The following FAM50B variants were observed in gnomAD, a reference collection of about 807,000 sequenced individuals.
The protein encoded by FAM50B is family with sequence similarity 50 member B.
A neutral mutation model predicts 25.4 loss-of-function variants in FAM50B; 9 were observed. The ratio of observed to expected loss-of-function variants is 0.35; its 90% CI spans 0.21 to 0.62. The LOEUF is 0.62. Among genes scored for constraint, FAM50B ranks in the 20% least tolerant of loss-of-function variants. The pLI is 0.73. For synonymous variants in FAM50B, 212 were observed against 204.3 expected, an observed-to-expected ratio of 1.04 and a Z score of -0.32; for missense variants, 372 against 477.9, an observed-to-expected ratio of 0.78 and a Z score of 2.07.
Position 3,850,160 on chromosome 6 carries a change from A to G in FAM50B, c.349A>G (p.Ile117Val). 1 of 1,613,054 alleles carries G rather than the reference A, an allele frequency of 6.2e-7. No homozygotes were observed. Among genetic ancestry groups the G allele is most frequent in the Admixed American group, 1.7e-5 (1 of 59,998 alleles). ...GCAGCGGCGCGAGCGCAAGCGTAAG[A>G]TCTCCTGCCTGTCCTTTGCACTAGA... Reference protein sequence around the residue: ...QEQRRERKRKISCLSFALDDL... With the variant: ...QEQRRERKRKVSCLSFALDDL... The change falls in exon 2 of 2, where the codon ATC becomes GTC. Residue 117 changes from isoleucine (I) to valine (V), a missense_variant. Around this residue, in one of 4 missense-constraint regions of FAM50B, gnomAD observed 224 missense variants for 232.2 expected, o/e 0.96. Transcript: ENST00000648326.
chr6:3,844,461 A>C (rs535474493), upstream of FAM50B, among the ~76,000 whole-genome samples: 193 of 152,364 alleles, frequency 1.3e-3, no homozygotes, highest in African/African-American at 4.4e-3. Context: ...CTGTAATCCC[A>C]GCACTTTGGG....
chr6:3,841,178 C>T, the FAM50B span, among the ~76,000 whole-genome samples: 6 of 152,352 alleles, frequency 3.9e-5, no homozygotes, highest in Non-Finnish European at 7.3e-5. Context: ...CACAACTCTC[C>T]TGTCACTGGG....
chr6:3,844,433 G>C (rs978582337), upstream of FAM50B, among the ~76,000 whole-genome samples: 3 of 152,000 alleles, frequency 2.0e-5, no homozygotes, highest in Non-Finnish European at 4.4e-5. Context: ...GAATAATACC[G>C]GGCGAGGTGG....
At position 3,850,256 on chromosome 6, in the gene FAM50B, G is replaced by A. The variant is rs1045548785; in HGVS notation, c.445G>A (p.Asp149Asn). 6.2e-7 allele frequency: 1 copy of A among 1,613,228 alleles called. No individual in the cohort carries two copies. Among genetic ancestry groups the A allele is most frequent in the Admixed American group, 1.7e-5 (1 of 59,998 alleles). Residue 149 changes from aspartate to asparagine, a missense_variant, in exon 2 of 2, where the codon GAC becomes AAC. Around this residue, in one of 4 missense-constraint regions of FAM50B, gnomAD observed 224 missense variants for 232.2 expected, o/e 0.96. Coordinates refer to ENST00000648326, the MANE Select transcript of FAM50B (RefSeq NM_012135.3). ...AAACCTGGGCAAGAACCCCGACGTGGACACCAGCTTCCTGCCAGACCGCGA... is the reference window on the plus strand; with the variant it reads ...AAACCTGGGCAAGAACCCCGACGTGAACACCAGCTTCCTGCCAGACCGCGA... ...AGNLGKNPDVDTSFLPDRDRE... is the reference protein window; with the variant it reads ...AGNLGKNPDVNTSFLPDRDRE...
rs777316197 is a variant in FAM50B at position 3,850,480 on chromosome 6, C to A, written c.669C>A (p.Asp223Glu). The A allele has an allele frequency of 6.2e-6, 10 of 1,613,492 alleles. No homozygotes were observed. In the South Asian group the frequency reaches 1.1e-4, roughly 18 times the overall value. ...LKKALQGLRK[D>E]FLELRSAGVE... is the part of the protein sequence containing the mutation. Reference sequence around the variant, plus strand: ...AGGCGCTGCAGGGGCTGCGCAAGGACTTCCTGGAGCTGCGCTCCGCCGGCG... The same window carrying A: ...AGGCGCTGCAGGGGCTGCGCAAGGAATTCCTGGAGCTGCGCTCCGCCGGCG... Residue 223 changes from aspartate (D) to glutamate (E), a missense_variant, in exon 2 of 2, where the codon GAC (aspartate) becomes GAA (glutamate). Transcript: ENST00000648326.
chr6:3,846,917 C>G (rs1762130536), upstream of FAM50B, among the ~76,000 whole-genome samples: 1 of 152,212 alleles, frequency 6.6e-6, no homozygotes, highest in African/African-American at 2.4e-5. Context: ...GCATCTCCAT[C>G]AAGCTCTTAG....
chr6:3,846,317 T>C (rs938579742), upstream of FAM50B, among the ~76,000 whole-genome samples: 1 of 152,382 alleles, frequency 6.6e-6, no homozygotes, highest in East Asian at 1.9e-4. Context: ...TTCTAGTGCA[T>C]ATAAAAGTTA....
At chr6:3,846,846 T>A (rs1194632638), upstream of FAM50B, among the ~76,000 whole-genome samples, 1 of 152,238 alleles carries the variant, frequency 6.6e-6, no homozygotes, top group African/African-American at 2.4e-5. Flanking sequence ...TACTCCTTGA[T>A]CTATGGGTTG....
chr6:3,833,448 C>T, the FAM50B span, among the ~76,000 whole-genome samples: 1 of 152,172 alleles, frequency 6.6e-6, no homozygotes, highest in African/African-American at 2.4e-5. Context: ...TGAGCATTTG[C>T]TCATTTCAGC....
upstream of FAM50B, among the ~76,000 whole-genome samples, chr6:3,848,266 C>T (rs1762145247): frequency 6.6e-6 from 1 of 152,142 alleles, no homozygotes; most frequent in Non-Finnish European, 1.5e-5. Flanking sequence ...TTCTTGTATT[C>T]TGGTGATGGG....
chr6:3,843,701 T>C, the FAM50B span, among the ~76,000 whole-genome samples: 4,161 of 152,306 alleles, frequency 0.027, 175 homozygotes, highest in African/African-American at 0.095. Flanking sequence ...TGCCAAAATA[T>C]TGGCTTTCCA....
the FAM50B span, among the ~76,000 whole-genome samples, chr6:3,835,493 T>G: frequency 6.6e-6 from 1 of 152,170 alleles, no homozygotes. Context: ...TAAAGTCTGA[T>G]GTGATCCATG....
chr6:3,848,512 C>A (rs536320053), upstream of FAM50B, among the ~76,000 whole-genome samples: 41 of 152,328 alleles, frequency 2.7e-4, no homozygotes, highest in African/African-American at 9.4e-4. Context: ...ATATGATTCA[C>A]GCTTCTTGGT....
chr6:3,846,012 C>T (rs779101097), upstream of FAM50B, among the ~76,000 whole-genome samples: 4 of 152,118 alleles, frequency 2.6e-5, no homozygotes, highest in African/African-American at 4.8e-5. Flanking sequence ...TGAGCCACTG[C>T]GCCTGGCCTG....
rs1382447513 is a variant in FAM50B at position 3,850,037 on chromosome 6, C to T, written c.226C>T (p.Arg76Trp). ...GLVTLNDMKARQEALVRERER... is the reference protein window; with the variant it reads ...GLVTLNDMKAWQEALVRERER... The stretch of plus-strand genomic sequence containing the variant: ...GGTGACCCTGAACGACATGAAGGCC[C>T]GGCAGGAGGCCCTGGTCAGGGAGCG... The change falls in exon 2 of 2, where the codon CGG (arginine) becomes TGG (tryptophan). Residue 76 changes from arginine (R) to tryptophan (W), a missense_variant. Transcript: ENST00000648326. 3.7e-6 allele frequency: 6 copies of T among 1,613,116 alleles called. No homozygotes were observed. Among genetic ancestry groups the T allele is most frequent in the South Asian group, 1.1e-5 (1 of 91,036 alleles).
chr6:3,851,009 A>G lies in FAM50B; in HGVS notation c.*220A>G, dbSNP rs1182434941. 25 of 682,424 alleles carry G rather than the reference A, an allele frequency of 3.7e-5. 1 individual carries two copies. The highest frequency in any genetic ancestry group is 3.7e-5 in the Non-Finnish European group (15 of 409,316). The allele number at this position is 682,424 out of a possible 1,614,324, so 42.3% of individuals were successfully genotyped here. A position where few individuals can be genotyped will look rare whatever the true frequency, so the allele number is the denominator to read the frequency against. On this transcript the variant is annotated 3_prime_UTR_variant, in exon 2 of 2. Coordinates refer to ENST00000648326, the MANE Select transcript of FAM50B (RefSeq NM_012135.3). ...TAGTGTTGCCACCTGGATTTGCTGC[A>G]TTGCTCTGCTGAGCTGTATTGAAAC... is the stretch of plus-strand genomic sequence containing the variant.
chr6:3,839,140 TCTGCTTCTGCGGAAGCCTCAGG>T, the FAM50B span, among the ~76,000 whole-genome samples: 2 of 151,680 alleles, frequency 1.3e-5, no homozygotes, highest in Non-Finnish European at 2.9e-5. Flanking sequence ...GGCATGAGCA[TCTGCTTCTGCGGAAGCCTCAGG>T]CTGCTTCCAC....
At chr6:3,832,124 A>C in the FAM50B span, 2 of 152,254 alleles carry the variant, frequency 1.3e-5, no homozygotes, top group African/African-American at 4.8e-5. Flanking sequence ...AAAGGAATTC[A>C]TACATATTCC....
chr6:3,842,547 C>T, the FAM50B span, among the ~76,000 whole-genome samples: 3 of 152,242 alleles, frequency 2.0e-5, no homozygotes, highest in Admixed American at 6.5e-5. Context: ...TGGCCCCTGG[C>T]TTCTGTCATG....
Sources: allele counts gnomAD v4.1 joint callset (sites outside exome capture counted in the v4.1 genomes callset), GRCh38; gene constraint gnomAD v4.1.1; regional missense constraint gnomAD v4.1.1; transcripts MANE v1.5; gene names NCBI Gene and HGNC (gene_info 2026-07-23, HGNC 2026-07-21).